Variants in ROCK1 observed in about 807,000 individuals in gnomAD.
ROCK1 encodes rho-associated protein kinase 1.
Under a neutral mutation model 196.8 loss-of-function variants are expected in ROCK1, and 36 were observed. The ratio of observed to expected loss-of-function variants is 0.18; its 90% CI spans 0.14 to 0.24. The LOEUF is 0.24. Among genes scored for constraint, ROCK1 ranks in the 10% least tolerant of loss-of-function variants. The probability of loss-of-function intolerance (pLI) is 1.00; values close to 1 mark genes in which losing one functional copy is unlikely to be tolerated. For missense variants in ROCK1, 920 were observed against 1,562.0 expected (o/e 0.59, Z 6.93); for synonymous variants, 443 against 515.9 (o/e 0.86, Z 1.91).
intron 1 of ROCK1, among the ~76,000 whole-genome samples, chr18:21,088,396 G>C (rs1191588585): frequency 6.6e-6 from 1 of 152,164 alleles, no homozygotes; most frequent in Non-Finnish European, 1.5e-5. Flanking sequence ...CTCAGGAGAG[G>C]CTGAGGCAGA....
chr18:21,099,673 A>G (rs539883339), intron 1 of ROCK1, among the ~76,000 whole-genome samples: 1 of 152,320 alleles, frequency 6.6e-6, no homozygotes, highest in Non-Finnish European at 1.5e-5. Flanking sequence ...TGAGCCCAGG[A>G]GGAAGAGGCT....
At chr18:21,079,423 A>C (rs977934085) in intron 1 of ROCK1, among the ~76,000 whole-genome samples, 1 of 152,200 alleles carries the variant, frequency 6.6e-6, no homozygotes, top group African/African-American at 2.4e-5. Flanking sequence ...GTTAAATTTC[A>C]GAAAATTTCT....
At chr18:21,036,250 GATTAACTCAC>G (rs2036055957) in intron 9 of ROCK1, among the ~76,000 whole-genome samples, 1 of 152,126 alleles carries the variant, frequency 6.6e-6, no homozygotes, top group South Asian at 2.1e-4. Context: ...TACTAGTCTT[GATTAACTCAC>G]AGAACCTAGA....
At chr18:20,967,189 T>C in intron 26 of ROCK1, 113 bp from the exon 27 acceptor site, 3 of 705,458 alleles carry the variant, frequency 4.3e-6, no homozygotes, top group Non-Finnish European at 2.3e-6. Flanking sequence ...GTAAACTTCA[T>C]GAATGTTTGC....
At chr18:21,037,935 A>G (rs1032970615) in intron 9 of ROCK1, among the ~76,000 whole-genome samples, 3 of 152,130 alleles carry the variant, frequency 2.0e-5, no homozygotes, top group African/African-American at 7.2e-5. Flanking sequence ...TCAATACATA[A>G]AAGGAAAAAT....
intron 1 of ROCK1, among the ~76,000 whole-genome samples, chr18:21,103,229 T>C (rs776217929): frequency 2.0e-5 from 3 of 152,164 alleles, no homozygotes; most frequent in Non-Finnish European, 4.4e-5. Flanking sequence ...ATTATGAACG[T>C]AAGTCACAAA....
chr18:21,088,105 T>C (rs906278021), intron 1 of ROCK1, among the ~76,000 whole-genome samples: 4 of 152,134 alleles, frequency 2.6e-5, no homozygotes, highest in Admixed American at 1.3e-4. Context: ...AAAATATACA[T>C]TGAACTGAAT....
chr18:21,010,863 G>A (rs2035810902), intron 13 of ROCK1, among the ~76,000 whole-genome samples: 1 of 152,142 alleles, frequency 6.6e-6, no homozygotes, highest in African/African-American at 2.4e-5. Context: ...TAGCTCTGTT[G>A]TTTGGTGTAC....
chr18:20,968,401 G>T (rs2035394522), intron 25 of ROCK1: 2 of 183,554 alleles, frequency 1.1e-5, no homozygotes, highest in Non-Finnish European at 2.2e-5. Context: ...CTGCCTCCTG[G>T]GTTCAAGCAA....
intron 29 of ROCK1, among the ~76,000 whole-genome samples, chr18:20,959,075 AATAT>A (rs1196084720): frequency 8.8e-5 from 4 of 45,220 alleles, no homozygotes; most frequent in South Asian, 5.5e-4. Flanking sequence ...TATATTATAT[AATAT>A]ATATATTTTA....
At chr18:21,084,635 G>A (rs1337112843) in intron 1 of ROCK1, among the ~76,000 whole-genome samples, 2 of 152,152 alleles carry the variant, frequency 1.3e-5, no homozygotes, top group Non-Finnish European at 2.9e-5. Context: ...GGAATGAAAC[G>A]TAATGAAACT....
intron 1 of ROCK1, among the ~76,000 whole-genome samples, chr18:21,094,377 T>C (rs1276096906): frequency 6.6e-6 from 1 of 152,034 alleles, no homozygotes; most frequent in Non-Finnish European, 1.5e-5. Context: ...GATTAATAAC[T>C]AGAATATATA....
chr18:21,041,558 T>C (rs2036106885), intron 8 of ROCK1, among the ~76,000 whole-genome samples: 1 of 152,084 alleles, frequency 6.6e-6, no homozygotes, highest in Non-Finnish European at 1.5e-5. Flanking sequence ...TTGTTGGATC[T>C]ACAAGATGGA....
chr18:21,084,872 A>G (rs768827983), intron 1 of ROCK1, among the ~76,000 whole-genome samples: 7 of 152,234 alleles, frequency 4.6e-5, no homozygotes, highest in Non-Finnish European at 1.0e-4. Flanking sequence ...CAACAGATGA[A>G]TGGATAAAAG....
intron 9 of ROCK1, among the ~76,000 whole-genome samples, chr18:21,031,834 A>G (rs2036010802): frequency 6.6e-6 from 1 of 152,144 alleles, no homozygotes; most frequent in Non-Finnish European, 1.5e-5. Context: ...CAATAGCTGA[A>G]GTTAAAATTT....
At chr18:21,084,093 A>T (rs2036505571) in intron 1 of ROCK1, among the ~76,000 whole-genome samples, 1 of 152,160 alleles carries the variant, frequency 6.6e-6, no homozygotes, top group African/African-American at 2.4e-5. Context: ...ATCAAGTGGG[A>T]GCCCCTACAA....
At chr18:20,997,397 G>A (rs1226855553) in intron 16 of ROCK1, among the ~76,000 whole-genome samples, 1 of 152,124 alleles carries the variant, frequency 6.6e-6, no homozygotes, top group Non-Finnish European at 1.5e-5. Flanking sequence ...AAAAGGCACA[G>A]AAAAGGTCAT....
chr18:21,029,225 T>C (rs981344662), intron 9 of ROCK1, among the ~76,000 whole-genome samples: 2 of 152,206 alleles, frequency 1.3e-5, no homozygotes, highest in African/African-American at 4.8e-5. Context: ...TGTTTTAGAA[T>C]GTACCAAGGT....
chr18:21,027,750 ATTTTTTTTT>A (rs751964514), intron 10 of ROCK1, among the ~76,000 whole-genome samples: 1 of 95,288 alleles, frequency 1.0e-5, no homozygotes, highest in Non-Finnish European at 1.9e-5. Context: ...GAATCACTTA[ATTTTTTTTT>A]TTTTTTTTTT....
Sources: allele counts gnomAD v4.1 joint callset (sites outside exome capture counted in the v4.1 genomes callset), GRCh38; gene constraint gnomAD v4.1.1; transcripts MANE v1.5; gene names NCBI Gene and HGNC (gene_info 2026-07-23, HGNC 2026-07-21).